Variants in EIF2B3 observed in about 807,000 individuals in gnomAD.
EIF2B3 encodes translation initiation factor eIF2B subunit gamma.
EIF2B3 carries 20 observed loss-of-function variants against 54.1 expected under a neutral mutation model. The ratio of observed to expected loss-of-function variants is 0.37; its 90% CI spans 0.26 to 0.54. The LOEUF is 0.54. Ranked by LOEUF, EIF2B3 falls within the 20% of genes least tolerant of loss-of-function variation. EIF2B3 has a pLI of 0.86. For synonymous variants in EIF2B3, 153 were observed against 188.1 expected (o/e 0.81, Z 1.52); for missense variants, 448 against 547.8 (o/e 0.82, Z 1.82).
chr1:44,873,221 T>C (rs547534449), intron 10 of EIF2B3, among the ~76,000 whole-genome samples: 1 of 152,338 alleles, frequency 6.6e-6, no homozygotes, highest in East Asian at 1.9e-4. Flanking sequence ...CAAATACTTC[T>C]GAAGATTTTG....
At chr1:44,941,404 GATGTATA>G in intron 4 of EIF2B3, 95 bp downstream of exon 4, 2 of 1,329,952 alleles carry the variant, frequency 1.5e-6, no homozygotes, top group Non-Finnish European at 2.1e-6. Flanking sequence ...CAGAATCTGT[GATGTATA>G]GTAGATTCTT....
In EIF2B3 at chr1:44,978,478, AAAAG is replaced by A; in HGVS notation, c.149-22_149-19del. On this transcript the variant is annotated intron_variant, in intron 2 of 11. Coordinates refer to ENST00000360403, the MANE Select transcript of EIF2B3 (RefSeq NM_020365.5). ...AATGACTTCTATAGGACAAAAGAAA[AAAAG>A]AAAGAAAAACAAAAACTTACTCATA... is the stretch of plus-strand genomic sequence containing the variant. The A allele has an allele frequency of 6.2e-7, 1 of 1,609,480 alleles. No individual in the cohort carries two copies. The highest frequency in any genetic ancestry group is 8.5e-7 in the Non-Finnish European group (1 of 1,179,806).
intron 4 of EIF2B3, among the ~76,000 whole-genome samples, chr1:44,927,418 TA>T: frequency 6.6e-6 from 1 of 151,948 alleles, no homozygotes; most frequent in Non-Finnish European, 1.5e-5. Context: ...CATACACCTT[TA>T]AATGAGAACT....
In EIF2B3 at chr1:44,900,893, T is replaced by C. The variant is rs142639627; in HGVS notation, c.567-3449A>G. On this transcript the variant is annotated intron_variant, in intron 5 of 11. Transcript: ENST00000360403. ...TTGGTGAAATGTTCATTCAAGTCTT[T>C]TGCCTATTTTGAAATTAGGCTGTTA... Among the ~76,000 whole-genome samples, 704 of 152,322 alleles carry C rather than the reference T, an allele frequency of 4.6e-3. 5 individuals are homozygous for C. Among genetic ancestry groups the C allele is most frequent in the African/African-American group, 0.016 (673 of 41,564 alleles).
intron 4 of EIF2B3, chr1:44,937,243 C>G (rs1272701792): frequency 6.6e-6 from 1 of 152,254 alleles, no homozygotes; most frequent in Non-Finnish European, 1.5e-5. Flanking sequence ...GTGCTCAGGT[C>G]TATCTTCACT....
At chr1:44,921,642 A>G (rs969936858) in intron 5 of EIF2B3, among the ~76,000 whole-genome samples, 2 of 152,064 alleles carry the variant, frequency 1.3e-5, no homozygotes, top group African/African-American at 4.8e-5. Flanking sequence ...TATTGAAGAG[A>G]TTGTCCTTTC....
intron 6 of EIF2B3, among the ~76,000 whole-genome samples, chr1:44,885,366 T>C (rs570297226): frequency 6.6e-6 from 1 of 152,332 alleles, no homozygotes; most frequent in South Asian, 2.1e-4. Flanking sequence ...TAAGATGCAA[T>C]TTCTCCTCCA....
At chr1:44,925,500 CG>C (rs1643833904) in intron 5 of EIF2B3, among the ~76,000 whole-genome samples, 1 of 151,744 alleles carries the variant, frequency 6.6e-6, no homozygotes, top group Non-Finnish European at 1.5e-5. Flanking sequence ...CAAGGCCTTG[CG>C]GGGAGAAAAA....
At chr1:44,946,466 C>A (rs1276418426) in intron 3 of EIF2B3, among the ~76,000 whole-genome samples, 1 of 108,746 alleles carries the variant, frequency 9.2e-6, no homozygotes, top group African/African-American at 4.7e-5. Flanking sequence ...GAGACAGGGT[C>A]TCAGTCTGTT....
chr1:44,913,084 G>A (rs1474335587), intron 5 of EIF2B3, among the ~76,000 whole-genome samples: 3 of 139,274 alleles, frequency 2.2e-5, no homozygotes, highest in African/African-American at 5.5e-5. Flanking sequence ...TATTACATTG[G>A]TGCAAAAGCA....
intron 3 of EIF2B3, among the ~76,000 whole-genome samples, chr1:44,949,574 C>G (rs1644139400): frequency 6.6e-6 from 1 of 152,082 alleles, no homozygotes; most frequent in Non-Finnish European, 1.5e-5. Flanking sequence ...GGTGAATGCT[C>G]CCTTTGTAGA....
intron 2 of EIF2B3, among the ~76,000 whole-genome samples, chr1:44,978,673 G>C (rs1248333320): frequency 8.5e-6 from 1 of 117,222 alleles, no homozygotes. Context: ...GTCTCACTCT[G>C]CCACTCAGGC....
intron 10 of EIF2B3, among the ~76,000 whole-genome samples, chr1:44,874,066 C>T (rs1268711691): frequency 6.7e-6 from 1 of 150,142 alleles, no homozygotes; most frequent in African/African-American, 2.5e-5. Flanking sequence ...TGAGAATTTC[C>T]TTTGAGTGTC....
intron 3 of EIF2B3, among the ~76,000 whole-genome samples, chr1:44,948,937 G>A (rs1298759603): frequency 6.6e-6 from 1 of 151,786 alleles, no homozygotes; most frequent in African/African-American, 2.4e-5. Flanking sequence ...GCACGATCAC[G>A]GCTCACTGCA....
chr1:44,853,324 A>G (rs776234757), intron 11 of EIF2B3, among the ~76,000 whole-genome samples: 39 of 152,034 alleles, frequency 2.6e-4, no homozygotes, highest in Non-Finnish European at 1.6e-4. Context: ...CAACAAGCAG[A>G]ACTAGGCCGG....
intron 6 of EIF2B3, among the ~76,000 whole-genome samples, chr1:44,892,984 A>G (rs1448356533): frequency 6.6e-6 from 1 of 152,176 alleles, no homozygotes; most frequent in Admixed American, 6.5e-5. Flanking sequence ...CTGGTCCCTC[A>G]TCTCTGCTTA....
At chr1:44,907,890 C>CAAAA (rs71587071) in intron 5 of EIF2B3, among the ~76,000 whole-genome samples, 1 of 47,066 alleles carries the variant, frequency 2.1e-5, no homozygotes, top group Non-Finnish European at 4.3e-5. Flanking sequence ...AACTCCATCT[C>CAAAA]AAAAAAAAAA....
At chr1:44,946,612 TTTC>T (rs1223413286) in intron 3 of EIF2B3, among the ~76,000 whole-genome samples, 15 of 144,354 alleles carry the variant, frequency 1.0e-4, no homozygotes, top group East Asian at 2.1e-4. Context: ...CTAATTTTAA[TTTC>T]TTCTTCTTCT....
intron 10 of EIF2B3, among the ~76,000 whole-genome samples, chr1:44,868,688 AAT>A (rs1260553753): frequency 6.6e-6 from 1 of 152,060 alleles, no homozygotes; most frequent in African/African-American, 2.4e-5. Context: ...ATATGGGGAA[AAT>A]TATGCCATTG....
Sources: gnomAD v4.1 joint callset for allele counts (sites outside exome capture counted in the v4.1 genomes callset) on GRCh38, gnomAD v4.1.1 for gene constraint, MANE v1.5 for transcripts, NCBI Gene and HGNC (gene_info 2026-07-23, HGNC 2026-07-21) for gene names.